The following RABGAP1L variants were observed in gnomAD, a reference collection of about 807,000 sequenced individuals.
RABGAP1L encodes the protein RAB GTPase activating protein 1 like.
A neutral mutation model predicts 137.7 loss-of-function variants in RABGAP1L; 63 were observed. The observed-to-expected ratio is 0.46, with a 90% CI of 0.37 to 0.56. The LOEUF (loss-of-function observed/expected upper bound fraction) is 0.56. RABGAP1L is among the 20% of genes least tolerant of loss of function. RABGAP1L has a pLI of 0.00. For missense variants in RABGAP1L, 1,095 were observed against 1,244.0 expected (o/e 0.88, Z 1.80); for synonymous variants, 431 against 433.7 (o/e 0.99, Z 0.08).
At chr1:174,287,343 G>A (rs1422491332) in intron 10 of RABGAP1L, among the ~76,000 whole-genome samples, 4 of 152,044 alleles carry the variant, frequency 2.6e-5, no homozygotes, top group Non-Finnish European at 5.9e-5. Flanking sequence ...TATAAATATA[G>A]CCACTCTGTT....
At chr1:174,332,230 C>A (rs74128353) in intron 11 of RABGAP1L, among the ~76,000 whole-genome samples, 1 of 152,164 alleles carries the variant, frequency 6.6e-6, no homozygotes, top group African/African-American at 2.4e-5. Flanking sequence ...TGGCAAGTCC[C>A]AAATGTGTAA....
At chr1:174,689,815 C>A (rs531533199) in intron 15 of RABGAP1L, among the ~76,000 whole-genome samples, 183 of 152,218 alleles carry the variant, frequency 1.2e-3, no homozygotes, top group African/African-American at 4.2e-3. Flanking sequence ...TCAGCCCCTC[C>A]TAAACAATGG....
At chr1:174,850,164 C>T (rs1648030410) in intron 19 of RABGAP1L, 2 of 437,806 alleles carry the variant, frequency 4.6e-6, no homozygotes, top group South Asian at 1.8e-5. Context: ...CACTGCAGCC[C>T]CCATCTCCTC....
intron 1 of RABGAP1L, among the ~76,000 whole-genome samples, chr1:174,173,542 A>G (rs1466264751): frequency 1.3e-5 from 2 of 152,114 alleles, no homozygotes; most frequent in East Asian, 1.9e-4. Flanking sequence ...GGATTTCCTG[A>G]GTGTGCATTT....
chr1:174,504,441 A>G (rs1661631041), intron 13 of RABGAP1L, among the ~76,000 whole-genome samples: 1 of 152,082 alleles, frequency 6.6e-6, no homozygotes, highest in Admixed American at 6.5e-5. Context: ...ACAAATAAAA[A>G]CAAAGCTGGA....
chr1:174,383,170 G>A (rs1458727073), intron 12 of RABGAP1L, among the ~76,000 whole-genome samples: 1 of 150,978 alleles, frequency 6.6e-6, no homozygotes, highest in African/African-American at 2.4e-5. Flanking sequence ...GCTGCGTGCT[G>A]GGAGAACCAC....
At chr1:174,655,951 G>A (rs1232615272) in intron 14 of RABGAP1L, among the ~76,000 whole-genome samples, 2 of 152,168 alleles carry the variant, frequency 1.3e-5, no homozygotes, top group South Asian at 4.2e-4. Context: ...AAAGAGCCTT[G>A]TTTCCTTTAG....
At chr1:174,798,627 A>C (rs1416975994) in intron 18 of RABGAP1L, among the ~76,000 whole-genome samples, 1 of 152,074 alleles carries the variant, frequency 6.6e-6, no homozygotes, top group Admixed American at 6.6e-5. Context: ...TAATCTATTT[A>C]TTTAGGCCTA....
chr1:174,194,627 C>T (rs997707948), intron 1 of RABGAP1L, among the ~76,000 whole-genome samples: 2 of 152,118 alleles, frequency 1.3e-5, no homozygotes, highest in Admixed American at 6.5e-5. Flanking sequence ...CTGCATTGCC[C>T]CCAGGAAAAG....
rs139993881 is a variant in RABGAP1L at position 174,520,485 on chromosome 1, G to A, written c.1711-116890G>A. Among the ~76,000 whole-genome samples, 728 of 152,224 alleles carry A rather than the reference G, an allele frequency of 4.8e-3. 10 individuals are homozygous for A. Among genetic ancestry groups the A allele is most frequent in the Admixed American group, 0.011 (169 of 15,298 alleles). On this transcript the variant is annotated intron_variant, in intron 13 of 25. Coordinates refer to ENST00000681986, the MANE Select transcript of RABGAP1L (RefSeq NM_001366446.1). ...CAACATCAAATATATAAACTGAATT[G>A]TTTTTACTTTCTCACTAATCATTTC... is the stretch of plus-strand genomic sequence containing the variant.
chr1:174,488,526 C>T (rs1006961708), intron 13 of RABGAP1L, among the ~76,000 whole-genome samples: 2 of 152,002 alleles, frequency 1.3e-5, no homozygotes, highest in African/African-American at 4.8e-5. Flanking sequence ...GTTAAATCTG[C>T]TTGGTGTTCT....
Position 174,243,383 on chromosome 1 carries a change from A to G in RABGAP1L, c.717+1726A>G, listed in dbSNP as rs75493869. On this transcript the variant is annotated intron_variant, in intron 5 of 25. Coordinates refer to ENST00000681986, the MANE Select transcript of RABGAP1L (RefSeq NM_001366446.1). ...TGCACGTTGTAAGAAAGTTATCTCC[A>G]TCTATTATTTAATTTTTTGAGTGCA... 1.8e-4 allele frequency among the ~76,000 whole-genome samples: 27 copies of G among 152,294 alleles called. No individual in the cohort carries two copies. In the East Asian group the frequency reaches 5.2e-3, roughly 29 times the overall value.
At chr1:174,741,560 C>T (rs1683409487) in intron 17 of RABGAP1L, among the ~76,000 whole-genome samples, 1 of 152,014 alleles carries the variant, frequency 6.6e-6, no homozygotes, top group African/African-American at 2.4e-5. Context: ...TGGGGTCTCA[C>T]TCTGTTGCCT....
At chr1:174,551,005 T>TAC (rs1666486963) in intron 13 of RABGAP1L, among the ~76,000 whole-genome samples, 1 of 123,292 alleles carries the variant, frequency 8.1e-6, no homozygotes, top group Non-Finnish European at 1.6e-5. Context: ...TACACATATA[T>TAC]ATATATATAT....
At chr1:174,234,673 T>G (rs925407838) in intron 4 of RABGAP1L, among the ~76,000 whole-genome samples, 1 of 151,316 alleles carries the variant, frequency 6.6e-6, no homozygotes, top group African/African-American at 2.4e-5. Context: ...ACTGTAGCCT[T>G]GTAGTATAGT....
At chr1:174,389,784 A>C (rs1353635002) in intron 12 of RABGAP1L, among the ~76,000 whole-genome samples, 1 of 152,196 alleles carries the variant, frequency 6.6e-6, no homozygotes, top group Non-Finnish European at 1.5e-5. Flanking sequence ...TAAAGAAGAC[A>C]AAGATTCTTG....
In RABGAP1L at chr1:174,994,603, A is replaced by AAT. The variant is rs1672259335; in HGVS notation, c.*4607_*4608dup. The stretch of plus-strand genomic sequence containing the variant: ...TAACTATATATTATATATGGGATAA[A>AAT]ATATATGGACTGAATTGTGAGAATA... On this transcript the variant is annotated 3_prime_UTR_variant, in exon 26 of 26. Transcript: ENST00000681986. The AAT allele has an allele frequency of 6.6e-6, 1 of 152,226 alleles. No individual in the cohort carries two copies. The highest frequency in any genetic ancestry group is 6.5e-5 in the Admixed American group (1 of 15,276). The allele number at this position is 152,226 out of a possible 1,614,324, so 9.4% of individuals were successfully genotyped here. A position where few individuals can be genotyped will look rare whatever the true frequency, so the allele number is the denominator to read the frequency against.
intron 19 of RABGAP1L, among the ~76,000 whole-genome samples, chr1:174,832,168 C>T (rs987739555): frequency 6.8e-6 from 1 of 146,664 alleles, no homozygotes; most frequent in Non-Finnish European, 1.5e-5. Flanking sequence ...TGTCAGGCAC[C>T]TGTAATCCCA....
chr1:174,717,455 C>T (rs1274601810), intron 17 of RABGAP1L, among the ~76,000 whole-genome samples: 2 of 152,080 alleles, frequency 1.3e-5, no homozygotes, highest in African/African-American at 4.8e-5. Flanking sequence ...AGATAAATAT[C>T]CAATAGTACT....
Sources: allele counts gnomAD v4.1 joint callset (sites outside exome capture counted in the v4.1 genomes callset), GRCh38; gene constraint gnomAD v4.1.1; transcripts MANE v1.5; gene names NCBI Gene and HGNC (gene_info 2026-07-23, HGNC 2026-07-21).